Variants in DOCK3 observed in about 807,000 individuals in gnomAD.
DOCK3 encodes the protein dedicator of cytokinesis 3.
In DOCK3, 60 loss-of-function variants were observed where a neutral mutation model predicts 265.6. The observed-to-expected ratio is 0.23, with a 90% CI of 0.18 to 0.28. DOCK3 has a LOEUF of 0.28. DOCK3 is among the 10% of genes least tolerant of loss of function. DOCK3 has a pLI of 1.00. For missense variants in DOCK3, 1,981 were observed against 2,594.3 expected, an observed-to-expected ratio of 0.76 and a Z score of 5.14; for synonymous variants, 881 against 938.0, an observed-to-expected ratio of 0.94 and a Z score of 1.11.
intron 9 of DOCK3, among the ~76,000 whole-genome samples, chr3:51,093,687 C>T (rs1416177118): frequency 2.6e-5 from 4 of 152,130 alleles, no homozygotes; most frequent in African/African-American, 7.2e-5. Flanking sequence ...ATTGCCCTGG[C>T]CAGAACTTCT....
intron 2 of DOCK3, among the ~76,000 whole-genome samples, chr3:50,821,144 T>TTTC (rs1202071031): frequency 2.1e-4 from 25 of 119,814 alleles, no homozygotes; most frequent in African/African-American, 6.8e-4. Context: ...TTTTTTCTTT[T>TTTC]TTTTTTTTTT....
chr3:51,203,267 C>A (rs1034472669), intron 12 of DOCK3, among the ~76,000 whole-genome samples: 2 of 152,058 alleles, frequency 1.3e-5, no homozygotes, highest in Admixed American at 1.3e-4. Flanking sequence ...ATCTAGAAAA[C>A]CCCATTGTCT....
At chr3:50,687,479 A>G (rs185656598) in intron 1 of DOCK3, among the ~76,000 whole-genome samples, 3 of 152,342 alleles carry the variant, frequency 2.0e-5, no homozygotes, top group Admixed American at 6.5e-5. Context: ...TCATAACTCA[A>G]AAACTCTGGC....
intron 23 of DOCK3, 117 bp downstream of exon 23, chr3:51,260,443 G>C: frequency 8.1e-7 from 1 of 1,229,072 alleles, no homozygotes. Flanking sequence ...TGTTGGGTAA[G>C]GGATTATTTA....
chr3:51,244,996 T>G (rs1377881539), intron 21 of DOCK3, among the ~76,000 whole-genome samples: 1 of 152,066 alleles, frequency 6.6e-6, no homozygotes, highest in Admixed American at 6.6e-5. Context: ...AGAGATTATA[T>G]AACTAATAAA....
chr3:50,914,110 A>G (rs1187413438), intron 4 of DOCK3, among the ~76,000 whole-genome samples: 1 of 144,750 alleles, frequency 6.9e-6, no homozygotes, highest in Non-Finnish European at 1.6e-5. Flanking sequence ...TAGTATAGGT[A>G]GTAGTTTGTC....
intron 3 of DOCK3, among the ~76,000 whole-genome samples, chr3:50,885,550 C>A (rs1292549497): frequency 6.6e-6 from 1 of 152,104 alleles, no homozygotes; most frequent in African/African-American, 2.4e-5. Flanking sequence ...CACATCCTCA[C>A]TAGTATGCCA....
chr3:50,810,666 A>G (rs1159846426), intron 2 of DOCK3, among the ~76,000 whole-genome samples: 4 of 152,330 alleles, frequency 2.6e-5, no homozygotes, highest in Non-Finnish European at 2.9e-5. Context: ...TAAAAGTATA[A>G]AACTAAACAA....
At chr3:51,041,497 G>A (rs552214503) in intron 5 of DOCK3, among the ~76,000 whole-genome samples, 32 of 151,830 alleles carry the variant, frequency 2.1e-4, no homozygotes, top group African/African-American at 7.2e-4. Flanking sequence ...GATTACAGGC[G>A]TGAGCCACCG....
intron 2 of DOCK3, among the ~76,000 whole-genome samples, chr3:50,811,139 A>G (rs981511708): frequency 6.6e-6 from 1 of 152,214 alleles, no homozygotes; most frequent in African/African-American, 2.4e-5. Flanking sequence ...CATGCTTGTA[A>G]TCCTCAGTGG....
intron 2 of DOCK3, among the ~76,000 whole-genome samples, chr3:50,831,589 A>G (rs1189627550): frequency 2.0e-5 from 3 of 152,150 alleles, no homozygotes; most frequent in African/African-American, 4.8e-5. Context: ...ATAGTATTCC[A>G]TGTTGTATAT....
intron 5 of DOCK3, among the ~76,000 whole-genome samples, chr3:51,015,023 A>G (rs918612442): frequency 2.0e-5 from 3 of 152,106 alleles, no homozygotes; most frequent in Non-Finnish European, 4.4e-5. Context: ...ATCAGTTTTA[A>G]TAGTTGTTTT....
chr3:51,338,891 G>C (rs1330875332), intron 36 of DOCK3, 44 bp from the exon 37 acceptor site: 1 of 1,523,866 alleles, frequency 6.6e-7, no homozygotes, highest in East Asian at 2.4e-5. Context: ...CTTGGCTATG[G>C]CTTCCACAGG....
chr3:51,094,421 C>G, intron 9 of DOCK3, among the ~76,000 whole-genome samples: 1 of 27,790 alleles, frequency 3.6e-5, no homozygotes, highest in East Asian at 1.8e-3. Context: ...AGGAATTTAT[C>G]CATTTTTTCT....
At chr3:50,842,468 G>C (rs1231027788) in intron 3 of DOCK3, among the ~76,000 whole-genome samples, 1 of 152,040 alleles carries the variant, frequency 6.6e-6, no homozygotes, top group Non-Finnish European at 1.5e-5. Flanking sequence ...TTAGTTTTAA[G>C]GTAATGATTA....
chr3:50,783,158 T>C (rs568356257), intron 2 of DOCK3, among the ~76,000 whole-genome samples: 7 of 152,150 alleles, frequency 4.6e-5, no homozygotes, highest in Non-Finnish European at 1.0e-4. Context: ...GCGTCTTTTT[T>C]GTATGATGAC....
intron 5 of DOCK3, among the ~76,000 whole-genome samples, chr3:50,949,987 A>G (rs1291209006): frequency 1.3e-5 from 2 of 149,734 alleles, no homozygotes; most frequent in Non-Finnish European, 3.0e-5. Context: ...AAGGTTAGAT[A>G]CTTAGCTCAT....
chr3:50,833,761 G>T (rs1327541972), intron 2 of DOCK3, among the ~76,000 whole-genome samples: 1 of 152,144 alleles, frequency 6.6e-6, no homozygotes, highest in East Asian at 1.9e-4. Context: ...CAAAACCTTG[G>T]TAAAATAACC....
intron 49 of DOCK3, among the ~76,000 whole-genome samples, chr3:51,363,263 C>T (rs940384386): frequency 1.3e-5 from 2 of 152,160 alleles, no homozygotes; most frequent in Non-Finnish European, 2.9e-5. Flanking sequence ...AATCCTAGTT[C>T]CCAAGTGAAA....
Sources: allele counts gnomAD v4.1 joint callset (sites outside exome capture counted in the v4.1 genomes callset), GRCh38; gene constraint gnomAD v4.1.1; transcripts MANE v1.5; gene names NCBI Gene and HGNC (gene_info 2026-07-23, HGNC 2026-07-21).